UBXN11: variants seen among roughly 807,000 people sequenced by gnomAD.
The protein encoded by UBXN11 is UBX domain protein 11.
In UBXN11, 47 loss-of-function variants were observed where a neutral mutation model predicts 62.8. The ratio of observed to expected loss-of-function variants is 0.75; its 90% CI spans 0.59 to 0.95. UBXN11 has a LOEUF of 0.95. UBXN11 is among the 40% of genes least tolerant of loss of function. The pLI is 0.00. For synonymous variants in UBXN11, 294 were observed against 267.0 expected (o/e 1.10, Z -0.99); for missense variants, 638 against 661.7 (o/e 0.96, Z 0.39).
chr1:26,293,096 A>G (rs1268775877), intron 8 of UBXN11, among the ~76,000 whole-genome samples: 16 of 152,194 alleles, frequency 1.1e-4, no homozygotes, highest in Admixed American at 1.0e-3. Flanking sequence ...CCCTGCCCTC[A>G]GACTTTGGAA....
rs951658609 is a variant in UBXN11, at chr1:26,283,074, C to A, written c.1078-137G>T. On this transcript the variant is annotated intron_variant, in intron 12 of 14. Transcript: ENST00000374222. Reference sequence around the variant, plus strand: ...GCGGGAGGGGGTGTTCTGTATAAACCAAGGCCAGAGGAGAGGCAATGGAAG... The same window carrying A: ...GCGGGAGGGGGTGTTCTGTATAAACAAAGGCCAGAGGAGAGGCAATGGAAG... 7.0e-6 allele frequency: 8 copies of A among 1,136,320 alleles called. No individual in the cohort carries two copies. The African/African-American group carries it at 1.1e-4, about 15-fold the overall frequency. 70.4% of individuals were successfully genotyped at this position (1,136,320 alleles called of 1,614,324 possible). A position where few individuals can be genotyped will look rare whatever the true frequency, so the allele number is the denominator to read the frequency against.
upstream of UBXN11, among the ~76,000 whole-genome samples, chr1:26,310,029 G>A (rs111699302): frequency 3.9e-5 from 6 of 152,244 alleles, no homozygotes; most frequent in African/African-American, 1.2e-4. Context: ...CTGAGCTCAA[G>A]GGATCCTCCA....
At chr1:26,287,106 C>A (rs555176948) in intron 8 of UBXN11, among the ~76,000 whole-genome samples, 1 of 152,150 alleles carries the variant, frequency 6.6e-6, no homozygotes, top group Admixed American at 6.5e-5. Flanking sequence ...GGGAAGGGAG[C>A]CGGGGCTGAC....
chr1:26,282,917 G>T lies in UBXN11; in HGVS notation c.1098C>A (p.Ala366=). 1 of 1,614,196 alleles carries T rather than the reference G, an allele frequency of 6.2e-7. No individual in the cohort carries two copies. Among genetic ancestry groups the T allele is most frequent in the South Asian group, 1.1e-5 (1 of 91,090 alleles). The change falls in exon 13 of 15, where the codon GCC becomes GCA. Residue 366 remains alanine, a synonymous_variant. Transcript: ENST00000374222. ...TCTCCACCACAATCTCCTGGATCCGGGCAGGCAATGGGCAGCAGTTCTGGA... is the reference window on the plus strand; with the variant it reads ...TCTCCACCACAATCTCCTGGATCCGTGCAGGCAATGGGCAGCAGTTCTGGA... ...DTLQNCCPLP[A]RIQEIVVETP...
chr1:26,291,992 TA>T (rs1278513299), intron 8 of UBXN11, among the ~76,000 whole-genome samples: 1 of 152,220 alleles, frequency 6.6e-6, no homozygotes, highest in African/African-American at 2.4e-5. Context: ...CTCCCTCATG[TA>T]AAGACACCAA....
chr1:26,299,516 A>C (rs1570121077), intron 4 of UBXN11, among the ~76,000 whole-genome samples: 1 of 151,036 alleles, frequency 6.6e-6, no homozygotes, highest in East Asian at 1.9e-4. Flanking sequence ...GTCTCCAAAA[A>C]AAAAAAAAAC....
At chr1:26,290,181 A>G (rs1167387599) in intron 8 of UBXN11, among the ~76,000 whole-genome samples, 1 of 152,196 alleles carries the variant, frequency 6.6e-6, no homozygotes, top group Admixed American at 6.5e-5. Context: ...AGCCAATCAC[A>G]TGCAGCTACA....
Position 26,303,630 on chromosome 1 carries a change from C to CAAAAAAAA in UBXN11, c.-35-720_-35-713dup, listed in dbSNP as rs5773154. On this transcript the variant is annotated intron_variant, in intron 1 of 14. Coordinates refer to ENST00000374222, the MANE Select transcript of UBXN11 (RefSeq NM_001389556.1). ...GGGCAACAAGAGCGAAACTCCATCTCAAAAAAAAAAAAAAAAAAAAAGACA... is the reference window on the plus strand; with the variant it reads ...GGGCAACAAGAGCGAAACTCCATCTCAAAAAAAAAAAAAAAAAAAAAAAAAAAAAGACA... 3.2e-3 allele frequency among the ~76,000 whole-genome samples: 256 copies of CAAAAAAAA among 80,012 alleles called. 3 individuals carry two copies. The highest frequency in any genetic ancestry group is 0.011 in the African/African-American group (204 of 19,074). 52.5% of individuals were successfully genotyped at this position (80,012 alleles called of 152,430 possible).
chr1:26,296,892 G>A (rs372889482), intron 7 of UBXN11, 27 bp downstream of exon 7: 42 of 1,585,516 alleles, frequency 2.6e-5, no homozygotes, highest in South Asian at 1.1e-4. Flanking sequence ...CTGGCTGCCC[G>A]CATCCCCCGG....
intron 1 of UBXN11, among the ~76,000 whole-genome samples, chr1:26,311,845 T>C (rs2073747707): frequency 6.6e-6 from 1 of 152,168 alleles, no homozygotes; most frequent in South Asian, 2.1e-4. Context: ...TTTATTGAGT[T>C]CTACCAGCTC....
At position 26,297,455 on chromosome 1, in the gene UBXN11, G is replaced by A. The variant is rs2073421124; in HGVS notation, c.327C>T (p.Asp109=). The stretch of plus-strand genomic sequence containing the variant: ...GGTGTGGCCGGAGGGTCTGCACCAG[G>A]TCCTCTAGGGCCGCTATCTTCTGAT... ...SKDQKIAALE[D]LVQTLRPHPA... Residue 109 remains aspartate (D), a synonymous_variant, in exon 6 of 15, where the codon GAC becomes GAT. Coordinates refer to ENST00000374222, the MANE Select transcript of UBXN11 (RefSeq NM_001389556.1). 3 of 1,556,154 alleles carry A rather than the reference G, an allele frequency of 1.9e-6. No individual in the cohort carries two copies. Among genetic ancestry groups the A allele is most frequent in the Middle Eastern group, 1.7e-4 (1 of 5,992 alleles).
upstream of UBXN11, among the ~76,000 whole-genome samples, chr1:26,307,572 GC>G (rs2073692858): frequency 6.7e-6 from 1 of 149,918 alleles, no homozygotes; most frequent in South Asian, 2.1e-4. Context: ...ACTTCTTTGT[GC>G]CCAGGTTCAA....
intron 9 of UBXN11, 35 bp downstream of exon 9, chr1:26,285,788 C>T: frequency 6.4e-7 from 1 of 1,563,342 alleles, no homozygotes; most frequent in African/African-American, 1.3e-5. Context: ...GCAGCAGGGG[C>T]ACTAGAGCAC....
At chr1:26,288,622 G>C (rs964998683) in intron 8 of UBXN11, among the ~76,000 whole-genome samples, 1 of 152,166 alleles carries the variant, frequency 6.6e-6, no homozygotes, top group Non-Finnish European at 1.5e-5. Context: ...AGGTCAGAGG[G>C]CAAGTCCTAG....
At chr1:26,306,833 G>GGGGGGGGTT (rs2073681027), upstream of UBXN11, 1 of 32,068 alleles carries the variant, frequency 3.1e-5, no homozygotes, top group Non-Finnish European at 1.2e-4. Context: ...GCGGGGTGGG[G>GGGGGGGGTT]GGGGGGGGTG....
intron 7 of UBXN11, among the ~76,000 whole-genome samples, chr1:26,295,979 G>T (rs531188103): frequency 6.6e-5 from 10 of 152,362 alleles, no homozygotes; most frequent in African/African-American, 2.4e-4. Flanking sequence ...GCCACTGCTC[G>T]GGGACAACCC....
intron 10 of UBXN11, 76 bp downstream of exon 10, chr1:26,285,388 G>A: frequency 1.3e-6 from 2 of 1,566,378 alleles, no homozygotes; most frequent in Non-Finnish European, 1.7e-6. Flanking sequence ...CTCAGAATGG[G>A]AGGTGTCTGG....
At chr1:26,293,229 A>T (rs1416759448) in intron 8 of UBXN11, among the ~76,000 whole-genome samples, 1 of 152,102 alleles carries the variant, frequency 6.6e-6, no homozygotes, top group South Asian at 2.1e-4. Context: ...TGCCCAAGTC[A>T]CACTTGGGAT....
intron 8 of UBXN11, among the ~76,000 whole-genome samples, chr1:26,291,167 C>T (rs962912080): frequency 6.6e-6 from 1 of 152,178 alleles, no homozygotes; most frequent in African/African-American, 2.4e-5. Context: ...CCTGTGGGAG[C>T]CTCTCCAACA....
Sources: gnomAD v4.1 joint callset for allele counts (sites outside exome capture counted in the v4.1 genomes callset) on GRCh38, gnomAD v4.1.1 for gene constraint, MANE v1.5 for transcripts, NCBI Gene and HGNC (gene_info 2026-07-23, HGNC 2026-07-21) for gene names.